The following SPTBN4 variants were observed in gnomAD, a reference collection of about 807,000 sequenced individuals.
The protein encoded by SPTBN4 is spectrin beta, non-erythrocytic 4.
A neutral mutation model predicts 277.8 loss-of-function variants in SPTBN4; 96 were observed. The observed-to-expected ratio is 0.35, with a 90% CI of 0.29 to 0.41. SPTBN4 has a LOEUF of 0.41. SPTBN4 is among the 10% of genes least tolerant of loss of function. SPTBN4 has a pLI of 1.00. For missense variants in SPTBN4, 3,006 were observed against 3,595.7 expected (o/e 0.84, Z 4.19); for synonymous variants, 1,481 against 1,580.3 (o/e 0.94, Z 1.49).
At chr19:40,475,625 C>A (rs1176703516) in intron 2 of SPTBN4, among the ~76,000 whole-genome samples, 1 of 151,812 alleles carries the variant, frequency 6.6e-6, no homozygotes, top group Non-Finnish European at 1.5e-5. Context: ...CCATGCCTGG[C>A]TAATTTTTGT....
intron 19 of SPTBN4, 135 bp from the exon 20 acceptor site, chr19:40,533,945 A>G (rs991100489): frequency 2.7e-6 from 3 of 1,113,468 alleles, no homozygotes; most frequent in Non-Finnish European, 2.5e-6. Context: ...CTCTCTCCCT[A>G]TGTGTCTCCC....
In SPTBN4 at chr19:40,490,085, C is replaced by G; in HGVS notation, c.332C>G (p.Thr111Arg). Residue 111 changes from threonine (T) to arginine (R), a missense_variant, in exon 4 of 36, where the codon ACG becomes AGG. Physicochemically the swap from Thr to Arg is moderately conservative, Grantham distance 71 (BLOSUM62 -1). Around this residue, in one of 5 missense-constraint regions of SPTBN4, gnomAD observed 114 missense variants for 196.1 expected, o/e 0.58. Coordinates refer to ENST00000598249, the MANE Select transcript of SPTBN4 (RefSeq NM_020971.3). The surrounding 1 kb of genome is among the most constrained non-coding windows in gnomAD (Gnocchi z 4.3). ...CCCCTGTCGCCCTAGCCCAGGCCCA[C>G]GCGCGGCCGCATGCGGATCCACTCA... ...VLSGEQLPRPTRGRMRIHSLE... is the reference protein window; with the variant it reads ...VLSGEQLPRPRRGRMRIHSLE... 6.2e-7 allele frequency: 1 copy of G among 1,609,974 alleles called. No homozygotes were observed. Among genetic ancestry groups the G allele is most frequent in the Non-Finnish European group, 8.5e-7 (1 of 1,177,360 alleles).
At chr19:40,567,155 G>A (rs755370231) in intron 30 of SPTBN4, 6 of 455,682 alleles carry the variant, frequency 1.3e-5, no homozygotes, top group Admixed American at 2.4e-5. Flanking sequence ...ACAGCCAGGC[G>A]TGATGGCACG....
In SPTBN4 at chr19:40,532,738, T is replaced by C. The variant is rs1599773935; in HGVS notation, c.4062T>C (p.Ala1354=). 4 of 1,613,542 alleles carry C rather than the reference T, an allele frequency of 2.5e-6. No homozygotes were observed. The East Asian group carries it at 8.9e-5, about 36-fold the overall frequency. The change falls in exon 19 of 36, where the codon GCT becomes GCC. Residue 1354 remains alanine (A), a synonymous_variant. Transcript: ENST00000598249. ...ACCAGGCATTCATGGCCGAGCTGGC[T>C]CAGAATAAGGAGTGGCTGGAGAAGA... The part of the protein sequence containing the change: ...LRHQAFMAEL[A]QNKEWLEKIE...
In SPTBN4 at chr19:40,503,920, G is replaced by A. The variant is rs748509291; in HGVS notation, c.1453G>A (p.Val485Met). The change falls in exon 12 of 36, where the codon GTG becomes ATG. Residue 485 changes from valine to methionine, a missense_variant. Val to Met is a conservative substitution (Grantham distance 21). This residue lies in a region of SPTBN4 where 1,759 missense variants were observed against 2,061.5 expected (regional missense o/e 0.85). Transcript: ENST00000598249. ...EADIAAYEER[V>M]QGVAELAQAL... ...AGACATTGCGGCCTACGAGGAGCGG[G>A]TGCAGGGTGTGGCGGAGCTGGCCCA... 1.2e-6 allele frequency: 2 copies of A among 1,613,886 alleles called. No individual in the cohort carries two copies.
intron 12 of SPTBN4, 107 bp from the exon 13 acceptor site, chr19:40,506,129 G>T: frequency 7.0e-7 from 1 of 1,428,890 alleles, no homozygotes. Context: ...GAGGGTCAGA[G>T]TCGGGAGTGA....
At chr19:40,485,541 C>T (rs929792366) in intron 2 of SPTBN4, among the ~76,000 whole-genome samples, 8 of 152,066 alleles carry the variant, frequency 5.3e-5, no homozygotes, top group Non-Finnish European at 1.0e-4. Flanking sequence ...TGTGGTAGCT[C>T]GAGCCTGTAA....
chr19:40,528,998 C>A (rs780755021), intron 17 of SPTBN4, 43 bp from the exon 18 acceptor site: 1 of 1,557,822 alleles, frequency 6.4e-7, no homozygotes, highest in Non-Finnish European at 8.8e-7. Flanking sequence ...GCCGCACCCC[C>A]CAACCCGGGG....
Position 40,568,374 on chromosome 19 carries a change from T to C in SPTBN4, c.6956+92T>C, listed in dbSNP as rs924151673. 10 of 1,435,450 alleles carry C rather than the reference T, an allele frequency of 7.0e-6. No individual in the cohort carries two copies. In the Admixed American group the frequency reaches 2.3e-4, roughly 33 times the overall value. 88.9% of individuals were successfully genotyped at this position (1,435,450 alleles called of 1,614,324 possible). On this transcript the variant is annotated intron_variant, in intron 31 of 35. Transcript: ENST00000598249. ...AGGCCCAGTGAAAGGGCTTCAGGGC[T>C]CAGAACTTCCCAAAGAAGGAGATAT... is the stretch of plus-strand genomic sequence containing the variant.
Position 40,519,762 on chromosome 19 carries a change from C to A in SPTBN4, c.3265C>A (p.Arg1089Ser). ...ACGEAVAAAG[R>S]LQRFLHDLDA... ...CGGCGAGGCGGTGGCGGCAGCAGGG[C>A]GCCTGCAGCGCTTCCTACATGACCT... The change falls in exon 16 of 36, where the codon CGC (arginine) becomes AGC (serine). Residue 1089 changes from arginine (R) to serine (S), a missense_variant. This residue lies in a region of SPTBN4 where 1,759 missense variants were observed against 2,061.5 expected (regional missense o/e 0.85). Coordinates refer to ENST00000598249, the MANE Select transcript of SPTBN4 (RefSeq NM_020971.3). The surrounding 1 kb of genome is among the most constrained non-coding windows in gnomAD (Gnocchi z 5.7). 7.1e-7 allele frequency: 1 copy of A among 1,404,662 alleles called. No individual in the cohort carries two copies. The highest frequency in any genetic ancestry group is 9.2e-7 in the Non-Finnish European group (1 of 1,092,558). 87.0% of individuals were successfully genotyped at this position (1,404,662 alleles called of 1,614,324 possible).
chr19:40,531,441 C>T (rs2080669311), intron 18 of SPTBN4, among the ~76,000 whole-genome samples: 1 of 124,028 alleles, frequency 8.1e-6, no homozygotes, highest in African/African-American at 3.0e-5. Flanking sequence ...CTCCCGGGAC[C>T]GCGGAGCTGG....
chr19:40,504,435 G>A (rs1216334909), intron 12 of SPTBN4, among the ~76,000 whole-genome samples: 1 of 152,294 alleles, frequency 6.6e-6, no homozygotes, highest in Non-Finnish European at 1.5e-5. Context: ...GGGAGGCCAA[G>A]GAGGGCAGAT....
At chr19:40,512,573 C>T in intron 13 of SPTBN4, 33 bp from the exon 14 acceptor site, 1 of 1,495,368 alleles carries the variant, frequency 6.7e-7, no homozygotes, top group African/African-American at 1.4e-5. Context: ...TGGCTTGTGA[C>T]CAATCCTGGA....
intron 26 of SPTBN4, 86 bp downstream of exon 26, chr19:40,557,489 G>A: frequency 1.4e-6 from 2 of 1,466,308 alleles, no homozygotes; most frequent in Non-Finnish European, 1.8e-6. Context: ...CTGTGGAGCA[G>A]GTCGAAATTA....
At chr19:40,488,216 A>G (rs551279195) in intron 3 of SPTBN4, among the ~76,000 whole-genome samples, 2 of 152,122 alleles carry the variant, frequency 1.3e-5, no homozygotes, top group South Asian at 2.1e-4. Flanking sequence ...GGGGCATGCT[A>G]TAAAACAGGG....
intron 20 of SPTBN4, among the ~76,000 whole-genome samples, chr19:40,539,187 A>T (rs1231265849): frequency 6.6e-6 from 1 of 152,206 alleles, no homozygotes; most frequent in East Asian, 1.9e-4. Flanking sequence ...CTTCCCCAGC[A>T]GTGTTTTGCA....
chr19:40,571,962 AAG>A, intron 33 of SPTBN4, 55 bp from the exon 34 acceptor site: 3 of 1,486,672 alleles, frequency 2.0e-6, no homozygotes. Context: ...GATGTTAATG[AAG>A]AGTTATTAGG....
intron 1 of SPTBN4, among the ~76,000 whole-genome samples, chr19:40,471,588 T>G (rs367686141): frequency 6.6e-6 from 1 of 152,146 alleles, no homozygotes; most frequent in Non-Finnish European, 1.5e-5. Context: ...TTATTATTAT[T>G]TAGAAATAGG....
At chr19:40,483,726 A>T (rs1239873137) in intron 2 of SPTBN4, among the ~76,000 whole-genome samples, 1 of 152,142 alleles carries the variant, frequency 6.6e-6, no homozygotes, top group Non-Finnish European at 1.5e-5. Context: ...CTAACAGATG[A>T]TGCCCATGCC....
Sources: allele counts gnomAD v4.1 joint callset (sites outside exome capture counted in the v4.1 genomes callset), GRCh38; gene constraint gnomAD v4.1.1; regional missense constraint gnomAD v4.1.1; non-coding constraint Gnocchi (gnomAD v3.1); transcripts MANE v1.5; gene names NCBI Gene and HGNC (gene_info 2026-07-23, HGNC 2026-07-21).